The following STARD10 variants were observed in gnomAD, a reference collection of about 807,000 sequenced individuals.
STARD10 encodes the protein StAR related lipid transfer domain containing 10.
STARD10 carries 24 observed loss-of-function variants against 36.0 expected under a neutral mutation model. The observed-to-expected ratio is 0.67, with a 90% confidence interval of 0.48 to 0.94. The LOEUF is 0.94. Ranked by LOEUF, STARD10 falls within the 40% of genes least tolerant of loss-of-function variation. STARD10 has a pLI of 0.00. For synonymous variants in STARD10, 156 were observed against 161.9 expected, an observed-to-expected ratio of 0.96 and a Z score of 0.28; for missense variants, 335 against 396.6, an observed-to-expected ratio of 0.84 and a Z score of 1.32.
chr11:72,773,638 G>C lies in STARD10; in HGVS notation c.207+7337C>G, dbSNP rs552794027. 3.9e-4 allele frequency among the ~76,000 whole-genome samples: 60 copies of C among 152,202 alleles called. 1 individual carries two copies. The highest frequency in any genetic ancestry group is 1.4e-3 in the African/African-American group (57 of 41,526). ...ACGTGGGTAGGAAGGGGGGAGATGG[G>C]AAACCCAGCACCTGCCCCTGAGGAG... is the stretch of plus-strand genomic sequence containing the variant. On this transcript the variant is annotated intron_variant, in intron 2 of 6. Coordinates refer to ENST00000334805, the MANE Select transcript of STARD10 (RefSeq NM_006645.3).
chr11:72,788,872 A>T (rs912227878), intron 1 of STARD10, among the ~76,000 whole-genome samples: 78 of 151,458 alleles, frequency 5.1e-4, no homozygotes, highest in African/African-American at 1.7e-3. Context: ...ATTTTTTTTT[A>T]AAAGATAGGA....
chr11:72,779,225 C>T (rs1858961485), intron 2 of STARD10, among the ~76,000 whole-genome samples: 1 of 152,242 alleles, frequency 6.6e-6, no homozygotes, highest in African/African-American at 2.4e-5. Flanking sequence ...CACAGTCAGG[C>T]TCTCGTGAAT....
At chr11:72,777,521 C>G (rs974243707) in intron 2 of STARD10, among the ~76,000 whole-genome samples, 1 of 152,212 alleles carries the variant, frequency 6.6e-6, no homozygotes, top group Non-Finnish European at 1.5e-5. Context: ...CTTTGAGAGA[C>G]CTGAGTTCAG....
At chr11:72,759,057 G>T in intron 3 of STARD10, 177 bp downstream of exon 3, 1 of 663,348 alleles carries the variant, frequency 1.5e-6, no homozygotes. Context: ...TAAGTGTATG[G>T]GTGTGTGCCT....
At chr11:72,758,659 C>A (rs1179221556) in intron 3 of STARD10, 26 bp from the exon 4 acceptor site, 1 of 1,553,208 alleles carries the variant, frequency 6.4e-7, no homozygotes. Context: ...GACAGTTCAG[C>A]CAGACCACTG....
rs1386545413 is a variant in STARD10, at chr11:72,759,379, G to T, written c.210C>A (p.Cys70Ter). 6.2e-7 allele frequency: 1 copy of T among 1,613,786 alleles called. No individual in the cohort carries two copies. The highest frequency in any genetic ancestry group is 1.1e-5 in the South Asian group (1 of 91,062). ...CTGGCACATCACAGCACTCCATCCG[G>T]CACTGCAGACAAGATATATGGGTTG... ...EMDRTLHKIK[C>*]RMECCDVPAE... The change falls in exon 3 of 7, where the codon TGC (cysteine) becomes TGA (stop). Residue 70 changes from cysteine to a stop codon, truncating the protein, a stop_gained and splice_region_variant. Coordinates refer to ENST00000334805, the MANE Select transcript of STARD10 (RefSeq NM_006645.3). LOFTEE classifies it high-confidence loss of function.
chr11:72,788,001 TG>T (rs201583673), intron 1 of STARD10, among the ~76,000 whole-genome samples: 2,449 of 151,572 alleles, frequency 0.016, 68 homozygotes, highest in African/African-American at 0.056. Context: ...AGGAGAGGTT[TG>T]GGGGGGGCAG....
Position 72,770,328 on chromosome 11 carries a change from G to A in STARD10, c.207+10647C>T, listed in dbSNP as rs541331454. On this transcript the variant is annotated intron_variant, in intron 2 of 6. Transcript: ENST00000334805. ...CTGCCTCCCAGGCTCAAGGATTCTC[G>A]TACCTCAGCCACCTGAGTAGCTGGG... is the stretch of plus-strand genomic sequence containing the variant. 2.6e-5 allele frequency among the ~76,000 whole-genome samples: 4 copies of A among 152,234 alleles called. No individual in the cohort carries two copies. The South Asian group carries it at 8.3e-4, about 32-fold the overall frequency.
At chr11:72,760,020 C>T (rs926665336) in intron 2 of STARD10, among the ~76,000 whole-genome samples, 1 of 151,498 alleles carries the variant, frequency 6.6e-6, no homozygotes, top group Non-Finnish European at 1.5e-5. Flanking sequence ...AAGTGATTCT[C>T]CTACCTCAGC....
intron 5 of STARD10, chr11:72,756,040 C>G (rs1858639767): frequency 3.7e-6 from 1 of 271,856 alleles, no homozygotes; most frequent in African/African-American, 2.2e-5. Context: ...GGTGGAAACT[C>G]TGACCCACCC....
chr11:72,785,702 C>T (rs905838456), intron 1 of STARD10: 4 of 152,640 alleles, frequency 2.6e-5, no homozygotes, highest in Non-Finnish European at 5.9e-5. Context: ...GGTCACTGCC[C>T]TCTCTCAGCC....
chr11:72,780,811 G>A (rs1858983283), intron 2 of STARD10, 164 bp downstream of exon 2: 1 of 724,434 alleles, frequency 1.4e-6, no homozygotes, highest in Non-Finnish European at 2.3e-6. Context: ...TCTGTGTGAT[G>A]GGGCTTGGCC....
chr11:72,780,832 T>A, intron 2 of STARD10, 143 bp downstream of exon 2: 1 of 861,700 alleles, frequency 1.2e-6, no homozygotes, highest in Non-Finnish European at 1.8e-6. Context: ...CAGCAGACTG[T>A]GTCTCCTCCC....
intron 1 of STARD10, among the ~76,000 whole-genome samples, chr11:72,788,250 C>A (rs1859098861): frequency 6.6e-6 from 1 of 152,210 alleles, no homozygotes; most frequent in Non-Finnish European, 1.5e-5. Flanking sequence ...ATGGTCCCTG[C>A]CTGACCTTCT....
chr11:72,755,520 A>T (rs766901787), intron 6 of STARD10, 181 bp downstream of exon 6: 2 of 704,804 alleles, frequency 2.8e-6, no homozygotes, highest in Non-Finnish European at 5.1e-6. Flanking sequence ...CATGTTGGCC[A>T]GGCTGGTCTT....
At chr11:72,759,073 T>C in intron 3 of STARD10, 161 bp downstream of exon 3, 4 of 754,100 alleles carry the variant, frequency 5.3e-6, no homozygotes, top group Non-Finnish European at 8.8e-6. Flanking sequence ...TGCCTAAGGG[T>C]CTAGGAGTGG....
intron 2 of STARD10, among the ~76,000 whole-genome samples, chr11:72,765,816 C>CAAAAAAAAAAAAAAAAAAAAAAAAAAAA: frequency 8.5e-6 from 1 of 118,196 alleles, no homozygotes; most frequent in Non-Finnish European, 1.7e-5. Flanking sequence ...ACTAAAAATA[C>CAAAAAAAAAAAAAAAAAAAAAAAAAAAA]AAAAAAAAAA....
chr11:72,784,153 G>A (rs907601526), intron 1 of STARD10, among the ~76,000 whole-genome samples: 1 of 152,134 alleles, frequency 6.6e-6, no homozygotes, highest in Non-Finnish European at 1.5e-5. Context: ...CCTCTCAAAC[G>A]TGACAAAGCC....
rs778743105 is a variant in STARD10, at chr11:72,754,851, CCAGGGCTCGCCCGGT to C, written c.*31_*45del. On this transcript the variant is annotated 3_prime_UTR_variant, in exon 7 of 7. Transcript: ENST00000334805. The stretch of plus-strand genomic sequence containing the variant: ...AGAAAGTGCAGGAGCGGCCGCCGCC[CCAGGGCTCGCCCGGT>C]CCTGTCTCCGTCCCTGAAGCGGTGC... 14 of 1,570,096 alleles carry C rather than the reference CCAGGGCTCGCCCGGT, an allele frequency of 8.9e-6. No individual in the cohort carries two copies. In the African/African-American group the frequency reaches 1.5e-4, roughly 17 times the overall value.
Sources: allele counts gnomAD v4.1 joint callset (sites outside exome capture counted in the v4.1 genomes callset), GRCh38; gene constraint gnomAD v4.1.1; transcripts MANE v1.5; gene names NCBI Gene and HGNC (gene_info 2026-07-23, HGNC 2026-07-21).